The following PRKG1 variants were observed in gnomAD, a reference collection of about 807,000 sequenced individuals.
PRKG1 encodes protein kinase cGMP-dependent 1, also known as cGMP-dependent protein kinase 1.
PRKG1 carries 35 observed loss-of-function variants against 88.1 expected under a neutral mutation model. That is an observed-to-expected ratio of 0.40 (90% CI 0.30 to 0.53). The LOEUF (loss-of-function observed/expected upper bound fraction) is 0.53. Among genes scored for constraint, PRKG1 ranks in the 20% least tolerant of loss-of-function variants. PRKG1 has a pLI of 0.59. For synonymous variants in PRKG1, 303 were observed against 292.5 expected (o/e 1.04, Z -0.37); for missense variants, 540 against 839.8 (o/e 0.64, Z 4.41).
intron 9 of PRKG1, among the ~76,000 whole-genome samples, chr10:52,199,943 C>T (rs1839618554): frequency 6.6e-6 from 1 of 152,138 alleles, no homozygotes; most frequent in Non-Finnish European, 1.5e-5. Context: ...TGGAATTGAA[C>T]ACTTGGTTTG....
intron 2 of PRKG1, among the ~76,000 whole-genome samples, chr10:51,185,319 T>C (rs1837458565): frequency 6.6e-6 from 1 of 152,098 alleles, no homozygotes; most frequent in South Asian, 2.1e-4. Flanking sequence ...TTATTTTCAG[T>C]TTAGACAAGA....
intron 5 of PRKG1, among the ~76,000 whole-genome samples, chr10:51,967,727 C>T (rs1843607429): frequency 6.6e-6 from 1 of 152,100 alleles, no homozygotes; most frequent in Non-Finnish European, 1.5e-5. Context: ...TGGAATCCCG[C>T]CGTTCCTCAG....
chr10:51,543,922 C>G (rs1564542722), intron 3 of PRKG1, among the ~76,000 whole-genome samples: 1 of 152,110 alleles, frequency 6.6e-6, no homozygotes, highest in Non-Finnish European at 1.5e-5. Context: ...AGTATGGATA[C>G]CCTTTCCAAT....
chr10:51,824,533 A>G (rs1038426732), intron 4 of PRKG1, among the ~76,000 whole-genome samples: 3 of 152,204 alleles, frequency 2.0e-5, no homozygotes, highest in East Asian at 1.9e-4. Context: ...TGTTTGTGTT[A>G]GTCCATTTTG....
chr10:51,094,944 T>C lies in PRKG1; in HGVS notation c.311+20043T>C, dbSNP rs546517901. Among the ~76,000 whole-genome samples the C allele has an allele frequency of 5.3e-5, 8 of 152,270 alleles. No individual in the cohort carries two copies. In the South Asian group the frequency reaches 1.7e-3, roughly 32 times the overall value. On this transcript the variant is annotated intron_variant, in intron 1 of 17. Coordinates refer to ENST00000373980, the MANE Select transcript of PRKG1 (RefSeq NM_006258.4). The stretch of plus-strand genomic sequence containing the variant: ...TGAAGCTTAGGGAAATTAAATAACT[T>C]GATCAAAGTCACAGCGTAGTATACA...
rs867305170 is a variant in PRKG1, at chr10:51,025,410, T to A, written c.266+33766T>A. Among the ~76,000 whole-genome samples the A allele has an allele frequency of 5.2e-4, 79 of 152,308 alleles. 1 individual carries two copies. The highest frequency in any genetic ancestry group is 6.8e-3 in the Middle Eastern group (2 of 294). On this transcript the variant is annotated intron_variant, in intron 1 of 17. Transcript: ENST00000401604. ...ACTGGCTGGTCCTGGTGTCATGGGA[T>A]GTTGACACCCTCTGATTGAAGCTGA... is the stretch of plus-strand genomic sequence containing the variant.
chr10:51,373,208 T>C (rs1332813292), intron 2 of PRKG1, among the ~76,000 whole-genome samples: 2 of 152,204 alleles, frequency 1.3e-5, no homozygotes, highest in Admixed American at 6.5e-5. Flanking sequence ...TGTTATCTAT[T>C]TCTGTATAAC....
intron 3 of PRKG1, among the ~76,000 whole-genome samples, chr10:51,593,569 T>G (rs566560267): frequency 6.6e-6 from 1 of 152,222 alleles, no homozygotes; most frequent in Admixed American, 6.5e-5. Flanking sequence ...ACATCTCAAA[T>G]TATTCAAACG....
chr10:52,041,451 G>T (rs573904200), intron 5 of PRKG1, among the ~76,000 whole-genome samples: 1 of 152,200 alleles, frequency 6.6e-6, no homozygotes, highest in Non-Finnish European at 1.5e-5. Flanking sequence ...TTATTGTTGT[G>T]GTCTTGACTG....
chr10:51,633,567 T>A (rs1349822400), intron 3 of PRKG1, among the ~76,000 whole-genome samples: 1 of 152,160 alleles, frequency 6.6e-6, no homozygotes, highest in Non-Finnish European at 1.5e-5. Context: ...AGTGAAGGCA[T>A]AAACATGATA....
chr10:51,396,458 C>T (rs972091795), intron 2 of PRKG1, among the ~76,000 whole-genome samples: 24 of 151,580 alleles, frequency 1.6e-4, no homozygotes, highest in African/African-American at 5.8e-4. Flanking sequence ...AATTTAGTAC[C>T]CAAGTAAGTA....
chr10:52,217,377 C>CATAT (rs1840138961), intron 9 of PRKG1, among the ~76,000 whole-genome samples: 1 of 151,512 alleles, frequency 6.6e-6, no homozygotes, highest in South Asian at 2.1e-4. Context: ...CACATATACA[C>CATAT]ACACACACAC....
intron 1 of PRKG1, among the ~76,000 whole-genome samples, chr10:51,111,266 T>G (rs555895862): frequency 1.3e-5 from 2 of 152,252 alleles, no homozygotes; most frequent in South Asian, 4.1e-4. Context: ...AAATTATTGT[T>G]TATATTTTTA....
chr10:52,135,595 A>G (rs1174483094), intron 8 of PRKG1, among the ~76,000 whole-genome samples: 4 of 152,136 alleles, frequency 2.6e-5, no homozygotes, highest in African/African-American at 9.7e-5. Flanking sequence ...AGAAGGTTTC[A>G]CGTCTTACTG....
At chr10:51,304,616 A>G (rs1840984973) in intron 2 of PRKG1, among the ~76,000 whole-genome samples, 1 of 141,682 alleles carries the variant, frequency 7.1e-6, no homozygotes, top group Non-Finnish European at 1.5e-5. Context: ...TATATCTCCT[A>G]ATGCTATCCC....
intron 3 of PRKG1, among the ~76,000 whole-genome samples, chr10:51,658,700 GC>G (rs1424345857): frequency 6.6e-6 from 1 of 152,046 alleles, no homozygotes; most frequent in Non-Finnish European, 1.5e-5. Context: ...ACTGGCTACA[GC>G]TTTTTGCCAT....
chr10:51,963,841 T>C (rs1322271774), intron 5 of PRKG1, among the ~76,000 whole-genome samples: 1 of 152,202 alleles, frequency 6.6e-6, no homozygotes, highest in Admixed American at 6.6e-5. Flanking sequence ...TTTGCAAACA[T>C]TCAAATGATT....
intron 4 of PRKG1, among the ~76,000 whole-genome samples, chr10:51,905,318 T>C (rs1353284137): frequency 6.6e-6 from 1 of 152,170 alleles, no homozygotes; most frequent in Non-Finnish European, 1.5e-5. Context: ...ACCTTGGGAT[T>C]TCATCAATAA....
chr10:52,185,681 A>G (rs1371651274), intron 9 of PRKG1, among the ~76,000 whole-genome samples: 1 of 152,172 alleles, frequency 6.6e-6, no homozygotes, highest in Admixed American at 6.5e-5. Flanking sequence ...CTGCCTCGGC[A>G]CCCAGACTTT....
Sources: gnomAD v4.1 joint callset for allele counts (sites outside exome capture counted in the v4.1 genomes callset) on GRCh38, gnomAD v4.1.1 for gene constraint, MANE v1.5 for transcripts, NCBI Gene and HGNC (gene_info 2026-07-23, HGNC 2026-07-21) for gene names.